Variants in REV3L observed in about 807,000 individuals in gnomAD.
The protein encoded by REV3L is REV3 like, DNA directed polymerase zeta catalytic subunit, also known as DNA polymerase zeta catalytic subunit.
A neutral mutation model predicts 299.4 loss-of-function variants in REV3L; 69 were observed. The observed-to-expected ratio is 0.23, with a 90% confidence interval of 0.19 to 0.28. The LOEUF (loss-of-function observed/expected upper bound fraction) is 0.28, where lower values mean the gene tolerates loss of function less well. Ranked by LOEUF, REV3L falls within the 10% of genes least tolerant of loss-of-function variation. REV3L has a pLI of 1.00. For missense variants in REV3L, 3,128 were observed against 3,693.8 expected, an observed-to-expected ratio of 0.85 and a Z score of 3.97; for synonymous variants, 1,238 against 1,271.4, an observed-to-expected ratio of 0.97 and a Z score of 0.56.
chr6:111,465,765 A>AAC (rs66850222), intron 1 of REV3L, among the ~76,000 whole-genome samples: 1 of 133,148 alleles, frequency 7.5e-6, no homozygotes, highest in Non-Finnish European at 1.8e-5. Context: ...AAAAAAAAAA[A>AAC]ACTTTGTTTA....
At chr6:111,366,407 A>G (rs1230032692) in intron 14 of REV3L, among the ~76,000 whole-genome samples, 1 of 152,184 alleles carries the variant, frequency 6.6e-6, no homozygotes, top group Non-Finnish European at 1.5e-5. Flanking sequence ...TTAGAGAAAG[A>G]TATAAAGAAG....
At chr6:111,310,776 T>G (rs944854531) in intron 29 of REV3L, 12 of 291,674 alleles carry the variant, frequency 4.1e-5, no homozygotes, top group African/African-American at 2.4e-4. Flanking sequence ...CTAAATGCTT[T>G]GGTAGAACAA....
intron 30 of REV3L, chr6:111,309,240 G>T (rs1294144939): frequency 6.6e-6 from 1 of 152,302 alleles, no homozygotes; most frequent in African/African-American, 2.4e-5. Context: ...TGTACCAGAA[G>T]AATCCGATCA....
chr6:111,331,686 G>A lies in REV3L; in HGVS notation c.8024C>T (p.Ala2675Val). 1.9e-6 allele frequency: 3 copies of A among 1,608,510 alleles called. No homozygotes were observed. Among genetic ancestry groups the A allele is most frequent in the Non-Finnish European group, 2.6e-6 (3 of 1,175,712 alleles). Reference sequence around the variant, plus strand: ...ACAAGAGAGTATTACCTTGACAAAAGCTACTCCATTGGGGGACACTGTGAT... The same window carrying A: ...ACAAGAGAGTATTACCTTGACAAAAACTACTCCATTGGGGGACACTGTGAT... The part of the protein sequence containing the change: ...HDITVSPNGV[A>V]FVKPSVRKGV... The change falls in exon 24 of 32, where the codon GCT (alanine) becomes GTT (valine). Residue 2675 changes from alanine (A) to valine (V), a missense_variant. Physicochemically the swap from Ala to Val is moderately conservative, Grantham distance 64 (BLOSUM62 0). Transcript: ENST00000368802.
intron 4 of REV3L, among the ~76,000 whole-genome samples, chr6:111,397,948 T>C (rs1009296598): frequency 1.3e-5 from 2 of 151,624 alleles, no homozygotes; most frequent in African/African-American, 2.4e-5. Flanking sequence ...AAATCCAATG[T>C]TTCTTTTTTG....
chr6:111,384,337 G>A (rs1469101308), intron 9 of REV3L, among the ~76,000 whole-genome samples: 1 of 152,136 alleles, frequency 6.6e-6, no homozygotes, highest in Admixed American at 6.5e-5. Flanking sequence ...AGAATGGGAG[G>A]AAATATCTGC....
intron 2 of REV3L, among the ~76,000 whole-genome samples, chr6:111,415,152 A>AT (rs1283730573): frequency 1.3e-5 from 2 of 152,244 alleles, no homozygotes; most frequent in Non-Finnish European, 2.9e-5. Context: ...TTAAGCATGC[A>AT]TAAGAATCAT....
At chr6:111,345,476 G>A (rs1333114848) in intron 20 of REV3L, among the ~76,000 whole-genome samples, 2 of 152,138 alleles carry the variant, frequency 1.3e-5, no homozygotes, top group Admixed American at 6.5e-5. Context: ...TAACAATTAT[G>A]TGGGAAGAAA....
chr6:111,478,526 A>G (rs1348510125), intron 1 of REV3L, among the ~76,000 whole-genome samples: 1 of 152,088 alleles, frequency 6.6e-6, no homozygotes, highest in African/African-American at 2.4e-5. Flanking sequence ...TAAAAAACAG[A>G]CTATGAACAA....
chr6:111,454,770 G>A (rs1399175145), intron 1 of REV3L, among the ~76,000 whole-genome samples: 2 of 152,074 alleles, frequency 1.3e-5, no homozygotes, highest in South Asian at 2.1e-4. Flanking sequence ...AGGTTCAAGC[G>A]ATTCTCCTGC....
chr6:111,390,457 G>A lies in REV3L; in HGVS notation c.663-277C>T, dbSNP rs17510712. Among the ~76,000 whole-genome samples the A allele has an allele frequency of 5.9e-3, 900 of 152,136 alleles. 8 individuals are homozygous for A. The highest frequency in any genetic ancestry group is 0.021 in the African/African-American group (875 of 41,512). On this transcript the variant is annotated intron_variant, in intron 5 of 31. Transcript: ENST00000368802. ...ATTTTATATAAAAGGAATATAAAAC[G>A]TTTTAGCATATGGTTATACCCGGGG...
At chr6:111,470,469 C>CTAT (rs1309040777) in intron 1 of REV3L, among the ~76,000 whole-genome samples, 1 of 152,146 alleles carries the variant, frequency 6.6e-6, no homozygotes, top group African/African-American at 2.4e-5. Flanking sequence ...GATAACAGTC[C>CTAT]TATTTTATAG....
intron 1 of REV3L, among the ~76,000 whole-genome samples, chr6:111,423,510 GAA>G (rs889474464): frequency 1.3e-5 from 2 of 151,974 alleles, no homozygotes; most frequent in Non-Finnish European, 2.9e-5. Flanking sequence ...AGGAGAGAAA[GAA>G]AAAGAGTATG....
intron 5 of REV3L, among the ~76,000 whole-genome samples, chr6:111,391,254 A>C (rs1221425298): frequency 6.6e-6 from 1 of 151,878 alleles, no homozygotes; most frequent in African/African-American, 2.4e-5. Flanking sequence ...TTAGTACAGA[A>C]GGGGTTTCAC....
Position 111,375,787 on chromosome 6 carries a change from A to G in REV3L, c.2568T>C (p.Asn856=), listed in dbSNP as rs1346663978. ...TATTACAAGGATTATTTTGTATAAA[A>G]TTATCTTTTGTGGATCCAGTCTCAC... ...KSSETGSTKD[N]FIQNNPCNSN... is the part of the protein sequence containing the mutation. The change falls in exon 13 of 32, where the codon AAT becomes AAC. Residue 856 remains asparagine (N), a synonymous_variant. Transcript: ENST00000368802. 1 of 1,613,642 alleles carries G rather than the reference A, an allele frequency of 6.2e-7. No individual in the cohort carries two copies. Among genetic ancestry groups the G allele is most frequent in the Admixed American group, 1.7e-5 (1 of 59,956 alleles).
chr6:111,371,205 T>A (rs2115053039), intron 13 of REV3L, among the ~76,000 whole-genome samples: 1 of 152,302 alleles, frequency 6.6e-6, no homozygotes. Context: ...ACAAGAGCCA[T>A]CATTTAAACT....
chr6:111,315,140 G>C (rs1177565179), intron 27 of REV3L, 127 bp downstream of exon 27: 1 of 749,598 alleles, frequency 1.3e-6, no homozygotes, highest in Non-Finnish European at 2.1e-6. Flanking sequence ...ATGAGCCAGT[G>C]ACCCAAATTT....
At position 111,380,049 on chromosome 6, in the gene REV3L, T is replaced by C. The variant is rs202114112; in HGVS notation, c.1387A>G (p.Met463Val). Residue 463 changes from methionine (M) to valine (V), a missense_variant, in exon 11 of 32, where the codon ATG becomes GTG. Physicochemically the swap from Met to Val is conservative, Grantham distance 21. This residue lies in a region of REV3L where 2,409 missense variants were observed against 2,611.8 expected (regional missense o/e 0.92). Coordinates refer to ENST00000368802, the MANE Select transcript of REV3L (RefSeq NM_001372078.1). ...TGGGACATCACCAAACTAAGCTCCA[T>C]TTCCTCTTTTTCAATCTGTGGTTCA... The part of the protein sequence containing the change: ...ENEPQIEKEE[M>V]ELSLVMSQRW... 3.1e-6 allele frequency: 5 copies of C among 1,614,026 alleles called. No homozygotes were observed. Among genetic ancestry groups the C allele is most frequent in the Admixed American group, 1.7e-5 (1 of 60,022 alleles).
intron 5 of REV3L, among the ~76,000 whole-genome samples, 174 bp from the exon 6 acceptor site, chr6:111,390,354 A>AT (rs1439511300): frequency 6.6e-6 from 1 of 152,160 alleles, no homozygotes; most frequent in Admixed American, 6.5e-5. Context: ...GAAAAATAGG[A>AT]TGAGAAAAAT....
Sources: allele counts gnomAD v4.1 joint callset (sites outside exome capture counted in the v4.1 genomes callset), GRCh38; gene constraint gnomAD v4.1.1; regional missense constraint gnomAD v4.1.1; transcripts MANE v1.5; gene names NCBI Gene and HGNC (gene_info 2026-07-23, HGNC 2026-07-21).